The following GTF2F2 variants were observed in gnomAD, a reference collection of about 807,000 sequenced individuals.
GTF2F2 encodes general transcription factor IIF subunit 2, also known as ATP-dependent helicase GTF2F2.
Under a neutral mutation model 42.2 loss-of-function variants are expected in GTF2F2, and 23 were observed. The ratio of observed to expected loss-of-function variants is 0.55; its 90% CI spans 0.39 to 0.77. The LOEUF (loss-of-function observed/expected upper bound fraction) is 0.77. Ranked by LOEUF, GTF2F2 falls within the 30% of genes least tolerant of loss-of-function variation. The probability of loss-of-function intolerance (pLI) is 0.00; values close to 1 mark genes in which losing one functional copy is unlikely to be tolerated. For synonymous variants in GTF2F2, 105 were observed against 100.8 expected (o/e 1.04, Z -0.25); for missense variants, 261 against 287.2 (o/e 0.91, Z 0.66).
intron 4 of GTF2F2, among the ~76,000 whole-genome samples, chr13:45,166,577 C>A (rs191265487): frequency 4.3e-4 from 66 of 152,246 alleles, no homozygotes; most frequent in Non-Finnish European, 6.0e-4. Flanking sequence ...TTTCAGATTG[C>A]ATCAAGTTAA....
intron 7 of GTF2F2, among the ~76,000 whole-genome samples, chr13:45,276,242 A>G (rs937465181): frequency 6.6e-6 from 1 of 152,178 alleles, no homozygotes; most frequent in Non-Finnish European, 1.5e-5. Context: ...CATAGTGTGT[A>G]TATACCATAT....
chr13:45,187,867 A>G (rs1442744829), intron 4 of GTF2F2, among the ~76,000 whole-genome samples: 1 of 152,206 alleles, frequency 6.6e-6, no homozygotes, highest in African/African-American at 2.4e-5. Flanking sequence ...TTAGATTGGC[A>G]TGTCTTTAAA....
chr13:45,223,681 T>C (rs1413893586), intron 5 of GTF2F2, among the ~76,000 whole-genome samples: 1 of 152,250 alleles, frequency 6.6e-6, no homozygotes, highest in Non-Finnish European at 1.5e-5. Context: ...GATAGAATAC[T>C]GCACTATGAC....
chr13:45,140,600 C>G (rs1869878933), intron 2 of GTF2F2, among the ~76,000 whole-genome samples: 1 of 151,976 alleles, frequency 6.6e-6, no homozygotes. Context: ...TGAACATATT[C>G]CTGGAAAGTT....
chr13:45,256,938 T>G (rs1266051848), intron 6 of GTF2F2, among the ~76,000 whole-genome samples: 2 of 152,148 alleles, frequency 1.3e-5, no homozygotes, highest in Non-Finnish European at 2.9e-5. Flanking sequence ...AAAAAAAATT[T>G]GTACAAAAAA....
At chr13:45,280,204 A>T (rs1394211538) in intron 7 of GTF2F2, among the ~76,000 whole-genome samples, 1 of 152,128 alleles carries the variant, frequency 6.6e-6, no homozygotes, top group Non-Finnish European at 1.5e-5. Context: ...CGTGAGGGGG[A>T]GTGTTGGAAG....
intron 6 of GTF2F2, among the ~76,000 whole-genome samples, chr13:45,263,486 C>G (rs1394710322): frequency 6.6e-6 from 1 of 152,092 alleles, no homozygotes; most frequent in African/African-American, 2.4e-5. Flanking sequence ...CCTCGGCCTC[C>G]CAAAGTGCTG....
At position 45,207,445 on chromosome 13, in the gene GTF2F2, T is replaced by C; in HGVS notation, c.326T>C (p.Ile109Thr). ...SSSDKLSLEG[I>T]VVQRAECRPA... ...CAAGATAAGCTGTCATTGGAAGGAA[T>C]AGTGGTACAAAGAGCTGAATGCCGA... Residue 109 changes from isoleucine to threonine, a missense_variant, in exon 5 of 8, where the codon ATA becomes ACA. Ile to Thr is a moderately conservative substitution (Grantham distance 89, BLOSUM62 -1). Transcript: ENST00000340473. 1.2e-6 allele frequency: 2 copies of C among 1,606,278 alleles called. No homozygotes were observed. The highest frequency in any genetic ancestry group is 1.7e-4 in the Middle Eastern group (1 of 6,048).
intron 3 of GTF2F2, among the ~76,000 whole-genome samples, chr13:45,150,506 A>C (rs1018896352): frequency 6.6e-6 from 1 of 152,082 alleles, no homozygotes; most frequent in African/African-American, 2.4e-5. Flanking sequence ...CTGAAGTACA[A>C]TTGCTTTCTT....
chr13:45,126,431 T>C (rs1869006344), intron 1 of GTF2F2, among the ~76,000 whole-genome samples: 1 of 152,138 alleles, frequency 6.6e-6, no homozygotes, highest in African/African-American at 2.4e-5. Context: ...TTTGTATTTT[T>C]AGTAGAGACG....
At chr13:45,260,512 C>G (rs1457533499) in intron 6 of GTF2F2, among the ~76,000 whole-genome samples, 1 of 152,198 alleles carries the variant, frequency 6.6e-6, no homozygotes, top group Non-Finnish European at 1.5e-5. Flanking sequence ...CTGTCATGCT[C>G]ACTTCAAAAG....
Position 45,165,325 on chromosome 13 carries a change from A to AT in GTF2F2, c.304+13495dup, listed in dbSNP as rs1385060491. 4.8e-4 allele frequency among the ~76,000 whole-genome samples: 64 copies of AT among 132,306 alleles called. No homozygotes were observed. The South Asian group carries it at 6.9e-3, about 14-fold the overall frequency. The allele number at this position is 132,306 out of a possible 152,430, so 86.8% of individuals were successfully genotyped here. ...TTATATCTAAAATATATATATATATATATATATTTTTTTTTTCTTTGAGAC... is the reference window on the plus strand; with the variant it reads ...TTATATCTAAAATATATATATATATATTATATATTTTTTTTTTCTTTGAGAC... On this transcript the variant is annotated intron_variant, in intron 4 of 7. Transcript: ENST00000340473.
intron 7 of GTF2F2, among the ~76,000 whole-genome samples, chr13:45,277,027 G>A (rs542350199): frequency 8.5e-4 from 130 of 152,256 alleles, no homozygotes; most frequent in African/African-American, 2.9e-3. Context: ...TTACAGGGAG[G>A]AATGGAGACC....
At chr13:45,130,173 G>A (rs1869261419) in intron 1 of GTF2F2, among the ~76,000 whole-genome samples, 1 of 152,194 alleles carries the variant, frequency 6.6e-6, no homozygotes, top group South Asian at 2.1e-4. Context: ...AGCATGGCAT[G>A]GTGACTAAAA....
intron 4 of GTF2F2, chr13:45,193,532 C>T (rs1872737062): frequency 2.7e-6 from 1 of 364,734 alleles, no homozygotes; most frequent in Non-Finnish European, 4.9e-6. Context: ...ATAGCAAAAG[C>T]TTTCAGTCTT....
intron 6 of GTF2F2, among the ~76,000 whole-genome samples, chr13:45,254,744 A>T (rs1876029672): frequency 6.6e-6 from 1 of 152,234 alleles, no homozygotes; most frequent in African/African-American, 2.4e-5. Flanking sequence ...GTAATGTAAT[A>T]AGTGTGATGG....
At chr13:45,154,965 T>C (rs768063641) in intron 4 of GTF2F2, among the ~76,000 whole-genome samples, 2 of 152,206 alleles carry the variant, frequency 1.3e-5, no homozygotes, top group East Asian at 3.8e-4. Flanking sequence ...AGGAGTCTTA[T>C]GTATTTGTTA....
At chr13:45,170,588 C>T (rs898045886) in intron 4 of GTF2F2, among the ~76,000 whole-genome samples, 1 of 152,058 alleles carries the variant, frequency 6.6e-6, no homozygotes, top group African/African-American at 2.4e-5. Context: ...AATATTTTCC[C>T]CTTGAAACTG....
At chr13:45,191,224 A>AAAAAAAAAAATATATATAT in intron 4 of GTF2F2, among the ~76,000 whole-genome samples, 6 of 75,310 alleles carry the variant, frequency 8.0e-5, no homozygotes, top group African/African-American at 4.0e-4. Flanking sequence ...ACAAAAAAAA[A>AAAAAAAAAAATATATATAT]ATATATATAT....
Sources: gnomAD v4.1 joint callset for allele counts (sites outside exome capture counted in the v4.1 genomes callset) on GRCh38, gnomAD v4.1.1 for gene constraint, MANE v1.5 for transcripts, NCBI Gene and HGNC (gene_info 2026-07-23, HGNC 2026-07-21) for gene names.